ADGRF5: variants seen among roughly 807,000 people sequenced by gnomAD.
ADGRF5 encodes G-protein coupled receptor 116.
ADGRF5 carries 75 observed loss-of-function variants against 132.3 expected under a neutral mutation model. The observed-to-expected ratio is 0.57, with a 90% CI of 0.47 to 0.69. ADGRF5 has a LOEUF of 0.69. Ranked by LOEUF, ADGRF5 falls within the 30% of genes least tolerant of loss-of-function variation. The pLI is 0.00. For missense variants in ADGRF5, 1,516 were observed against 1,630.6 expected (o/e 0.93, Z 1.21); for synonymous variants, 629 against 597.6 (o/e 1.05, Z -0.77).
chr6:46,914,613 C>T (rs895763240), intron 1 of ADGRF5, among the ~76,000 whole-genome samples: 2 of 151,974 alleles, frequency 1.3e-5, no homozygotes, highest in Non-Finnish European at 2.9e-5. Flanking sequence ...CGTTGATAAC[C>T]TTTTATCCCT....
At chr6:46,938,800 A>G (rs1777943547) in intron 1 of ADGRF5, among the ~76,000 whole-genome samples, 1 of 152,032 alleles carries the variant, frequency 6.6e-6, no homozygotes, top group Admixed American at 6.6e-5. Context: ...AGATGACCAC[A>G]CATGTTCTAC....
In ADGRF5 at chr6:46,868,948, G is replaced by A. The variant is rs372957944; in HGVS notation, c.1556C>T (p.Thr519Met). Reference protein sequence around the residue: ...GIKIYQRFYTTRRYLDGAESV... With the variant: ...GIKIYQRFYTMRRYLDGAESV... ...TTCTGCTCCATCAAGATACCTCCTC[G>A]TGGTATAAAATCTTTGGTATATTTT... Residue 519 changes from threonine to methionine, a missense_variant, in exon 12 of 21, where the codon ACG (threonine) becomes ATG (methionine). This residue lies in a region of ADGRF5 where 945 missense variants were observed against 929.4 expected (regional missense o/e 1.02). Transcript: ENST00000283296. 3.1e-6 allele frequency: 5 copies of A among 1,613,184 alleles called. No individual in the cohort carries two copies. The highest frequency in any genetic ancestry group is 2.5e-6 in the Non-Finnish European group (3 of 1,179,200).
chr6:46,912,402 C>T (rs1030665935), intron 1 of ADGRF5, among the ~76,000 whole-genome samples: 1 of 151,804 alleles, frequency 6.6e-6, no homozygotes, highest in Admixed American at 6.6e-5. Context: ...GTGAAAAGGC[C>T]CTGAGGTGAA....
chr6:46,913,597 GAGACATGGTATGCTCTC>G (rs2150911507), intron 1 of ADGRF5, among the ~76,000 whole-genome samples: 1 of 152,296 alleles, frequency 6.6e-6, no homozygotes, highest in South Asian at 2.1e-4. Context: ...ATTGGACTTG[GAGACATGGTATGCTCTC>G]AGCAAAGGAA....
intron 1 of ADGRF5, among the ~76,000 whole-genome samples, chr6:46,937,465 CT>C (rs1777891358): frequency 6.6e-6 from 1 of 152,090 alleles, no homozygotes; most frequent in South Asian, 2.1e-4. Context: ...TACCTCAGTC[CT>C]CCCAACCATT....
intron 1 of ADGRF5, among the ~76,000 whole-genome samples, chr6:46,931,394 T>A (rs1777549438): frequency 6.6e-6 from 1 of 152,228 alleles, no homozygotes; most frequent in Admixed American, 6.5e-5. Flanking sequence ...CTTCCCTCCC[T>A]ACTTCTGCAT....
chr6:46,888,253 A>G (rs1334282623), intron 4 of ADGRF5, 82 bp downstream of exon 4: 6 of 980,248 alleles, frequency 6.1e-6, no homozygotes, highest in Non-Finnish European at 6.3e-6. Context: ...TAAGTAAAAG[A>G]TTGCTCTGAT....
intron 1 of ADGRF5, among the ~76,000 whole-genome samples, chr6:46,921,168 G>A (rs1025874049): frequency 1.3e-5 from 2 of 152,098 alleles, no homozygotes; most frequent in African/African-American, 2.4e-5. Flanking sequence ...TTTCCCCTCA[G>A]TCCTGTGTGG....
rs367981925 is a variant in ADGRF5, at chr6:46,879,941, G to A, written c.913C>T (p.Arg305Cys). The change falls in exon 9 of 21, where the codon CGC becomes TGC. Residue 305 changes from arginine to cysteine, a missense_variant. Coordinates refer to ENST00000283296, the MANE Select transcript of ADGRF5 (RefSeq NM_001098518.2). ...ATTTCCAACTGCTGTTCTTCATAGC[G>A]CCAAGACACATTGGAGGACAAAACT... ...KEVLSSNVSW[R>C]YEEQQLEIQN... 59 of 1,613,504 alleles carry A rather than the reference G, an allele frequency of 3.7e-5. No homozygotes were observed. The highest frequency in any genetic ancestry group is 1.5e-4 in the Admixed American group (9 of 59,998).
intron 3 of ADGRF5, among the ~76,000 whole-genome samples, chr6:46,889,346 CTATA>C (rs1004614502): frequency 8.9e-5 from 13 of 146,016 alleles, no homozygotes; most frequent in African/African-American, 3.0e-4. Flanking sequence ...ATACAGTAGT[CTATA>C]TAGAGTAGTC....
chr6:46,945,519 A>G (rs1484591853), intron 1 of ADGRF5, among the ~76,000 whole-genome samples: 2 of 152,190 alleles, frequency 1.3e-5, no homozygotes, highest in East Asian at 1.9e-4. Context: ...TGGCATCCCT[A>G]TGTCCTAGGA....
intron 2 of ADGRF5, among the ~76,000 whole-genome samples, chr6:46,905,617 C>A (rs560954363): frequency 2.6e-4 from 39 of 151,786 alleles, no homozygotes; most frequent in Middle Eastern, 6.9e-3. Context: ...AAAAATCGGG[C>A]AAACACACAA....
chr6:46,911,796 G>A (rs1212249352), intron 1 of ADGRF5, among the ~76,000 whole-genome samples: 2 of 152,114 alleles, frequency 1.3e-5, no homozygotes, highest in Non-Finnish European at 1.5e-5. Flanking sequence ...GTTCTACTGA[G>A]TGAAGGGGAA....
chr6:46,901,450 C>A (rs1201556509), intron 2 of ADGRF5, among the ~76,000 whole-genome samples: 2 of 152,108 alleles, frequency 1.3e-5, no homozygotes, highest in African/African-American at 4.8e-5. Context: ...GCTCATTCTG[C>A]CGTCAGGGTT....
intron 3 of ADGRF5, among the ~76,000 whole-genome samples, chr6:46,897,322 CA>C (rs796610068): frequency 1.6e-4 from 23 of 143,314 alleles, no homozygotes; most frequent in Admixed American, 4.2e-4. Context: ...TCCAGTGACT[CA>C]AAAAAAAAAG....
intron 4 of ADGRF5, among the ~76,000 whole-genome samples, chr6:46,884,686 T>G (rs1452410006): frequency 1.3e-5 from 2 of 152,172 alleles, no homozygotes; most frequent in Admixed American, 1.3e-4. Context: ...CAGAATAAGG[T>G]AGAGGTGATG....
At chr6:46,901,348 C>T (rs2150883818) in intron 2 of ADGRF5, among the ~76,000 whole-genome samples, 1 of 152,232 alleles carries the variant, frequency 6.6e-6, no homozygotes, top group East Asian at 1.9e-4. Context: ...AGAAAAGCCC[C>T]ATCTCTCTGA....
chr6:46,857,158 G>A (rs1339328797), intron 17 of ADGRF5, among the ~76,000 whole-genome samples: 1 of 152,196 alleles, frequency 6.6e-6, no homozygotes, highest in Non-Finnish European at 1.5e-5. Context: ...TGGAGGTCCT[G>A]TTGGTTATGC....
At chr6:46,920,811 C>A in intron 1 of ADGRF5, among the ~76,000 whole-genome samples, 1 of 152,012 alleles carries the variant, frequency 6.6e-6, no homozygotes, top group Non-Finnish European at 1.5e-5. Context: ...TGTAGTGAAC[C>A]AAGATCGTGC....
Sources: allele counts gnomAD v4.1 joint callset (sites outside exome capture counted in the v4.1 genomes callset), GRCh38; gene constraint gnomAD v4.1.1; regional missense constraint gnomAD v4.1.1; transcripts MANE v1.5; gene names NCBI Gene and HGNC (gene_info 2026-07-23, HGNC 2026-07-21).